The following ZNF133 variants were observed in gnomAD, a reference collection of about 807,000 sequenced individuals.
The protein encoded by ZNF133 is zinc finger protein 133 (clone pHZ-13).
A neutral mutation model predicts 54.9 loss-of-function variants in ZNF133; 26 were observed. That is an observed-to-expected ratio of 0.47 (90% confidence interval 0.35 to 0.66). The LOEUF (loss-of-function observed/expected upper bound fraction) is 0.66. Among genes scored for constraint, ZNF133 ranks in the 30% least tolerant of loss-of-function variants. The pLI, the probability that ZNF133 is intolerant of heterozygous loss-of-function variation, is 0.01. For synonymous variants in ZNF133, 298 were observed against 320.3 expected, an observed-to-expected ratio of 0.93 and a Z score of 0.74; for missense variants, 653 against 820.8, an observed-to-expected ratio of 0.80 and a Z score of 2.50.
intron 1 of ZNF133, among the ~76,000 whole-genome samples, chr20:18,289,589 C>T (rs868139128): frequency 6.6e-6 from 1 of 152,150 alleles, no homozygotes; most frequent in Non-Finnish European, 1.5e-5. Context: ...ATAGCTGTGT[C>T]ACCTTGGGCA....
chr20:18,314,860 T>C (rs2047075460), intron 6 of ZNF133: 1 of 491,744 alleles, frequency 2.0e-6, no homozygotes, highest in Admixed American at 3.7e-5. Flanking sequence ...TAGTCTTATA[T>C]GTAGAGCAGG....
chr20:18,300,780 A>G (rs1568751218), intron 3 of ZNF133, among the ~76,000 whole-genome samples: 1 of 152,126 alleles, frequency 6.6e-6, no homozygotes. Context: ...TTATACACAT[A>G]TACCTCATAA....
rs527839009 is a variant in ZNF133 at position 18,314,150 on chromosome 20, G to A, written c.218-919G>A. 2.6e-5 allele frequency: 4 copies of A among 152,348 alleles called. No homozygotes were observed. In the South Asian group the frequency reaches 6.2e-4, roughly 24 times the overall value. The allele number at this position is 152,348 out of a possible 1,614,324, so 9.4% of individuals were successfully genotyped here. ...GCGTAGCATGGAATAATTCTGGAAT[G>A]TGGATGTGTACACTTTTAATAAGCT... On this transcript the variant is annotated intron_variant, in intron 6 of 6. Coordinates refer to ENST00000425686, the MANE Select transcript of ZNF133 (RefSeq NM_001352452.2).
Position 18,305,771 on chromosome 20 carries a change from G to C in ZNF133, c.85G>C (p.Val29Leu). The change falls in exon 5 of 7, where the codon GTG becomes CTG. Residue 29 changes from valine to leucine, a missense_variant. By Grantham distance (32) the Val-to-Leu change is conservative. This residue lies in a region of ZNF133 where 227 missense variants were observed against 233.9 expected (regional missense o/e 0.97). Coordinates refer to ENST00000425686, the MANE Select transcript of ZNF133 (RefSeq NM_001352452.2). The surrounding 1 kb of genome is among the most constrained non-coding windows in gnomAD (Gnocchi z 4.7). ...TGCTCAAAGGACTCTGTACAGAGAG[G>C]TGATGCTGGAGAACTACAGCAACCT... Reference protein sequence around the residue: ...SPAQRTLYREVMLENYSNLVS... With the variant: ...SPAQRTLYRELMLENYSNLVS... 6.2e-7 allele frequency: 1 copy of C among 1,614,034 alleles called. No individual in the cohort carries two copies. The highest frequency in any genetic ancestry group is 8.5e-7 in the Non-Finnish European group (1 of 1,179,950).
Position 18,305,132 on chromosome 20 carries a change from A to G in ZNF133, c.-53A>G. On this transcript the variant is annotated 5_prime_UTR_variant, in exon 4 of 7. Transcript: ENST00000425686. The surrounding 1 kb of genome is among the most constrained non-coding windows in gnomAD (Gnocchi z 4.7). ...CCAAGAAGCTCCATGGTGAGCACTCACAGTCTAAGGCTGGAAGTTTAATGA... is the reference window on the plus strand; with the variant it reads ...CCAAGAAGCTCCATGGTGAGCACTCGCAGTCTAAGGCTGGAAGTTTAATGA... 2.0e-6 allele frequency: 2 copies of G among 985,962 alleles called. No individual in the cohort carries two copies. Among genetic ancestry groups the G allele is most frequent in the Non-Finnish European group, 2.4e-6 (2 of 830,364 alleles). 61.1% of individuals were successfully genotyped at this position (985,962 alleles called of 1,614,324 possible).
At chr20:18,303,798 G>A (rs59281862) in intron 3 of ZNF133, among the ~76,000 whole-genome samples, 4,090 of 152,242 alleles carry the variant, frequency 0.027, 195 homozygotes, top group African/African-American at 0.093. Flanking sequence ...AACTGAAAAT[G>A]GATCGAAGAC....
At chr20:18,292,177 CTT>C (rs1214516247) in intron 1 of ZNF133, among the ~76,000 whole-genome samples, 2 of 152,194 alleles carry the variant, frequency 1.3e-5, no homozygotes, top group Admixed American at 1.3e-4. Context: ...TCAGTGATCT[CTT>C]TGTTTCTGCC....
In ZNF133 at chr20:18,315,943, C is replaced by T. The variant is rs768947399; in HGVS notation, c.1092C>T (p.Ser364=). The T allele has an allele frequency of 1.3e-5, 21 of 1,613,924 alleles. No homozygotes were observed. The highest frequency in any genetic ancestry group is 2.2e-5 in the East Asian group (1 of 44,874). The change falls in exon 7 of 7, where the codon AGC becomes AGT. Residue 364 remains serine (S), a synonymous_variant. Transcript: ENST00000425686. ...GCAGTGACTGTGGCCTGGGCTTCAG[C>T]GACAGGTCAAACCTCATCTCCCACC... The part of the protein sequence containing the change: ...IVCSDCGLGF[S]DRSNLISHQR...
chr20:18,306,198 T>G, intron 5 of ZNF133, 100 bp from the exon 6 acceptor site: 1 of 1,144,906 alleles, frequency 8.7e-7, no homozygotes, highest in Non-Finnish European at 1.2e-6. Context: ...ACTCAGGGCT[T>G]TGTACTACCT....
At chr20:18,301,807 G>A (rs1463768457) in intron 3 of ZNF133, among the ~76,000 whole-genome samples, 2 of 152,138 alleles carry the variant, frequency 1.3e-5, no homozygotes, top group Middle Eastern at 3.2e-3. Context: ...TGGACCTGAT[G>A]ACTTTGCTGG....
At chr20:18,299,223 G>T (rs2042862238) in intron 3 of ZNF133, among the ~76,000 whole-genome samples, 1 of 151,964 alleles carries the variant, frequency 6.6e-6, no homozygotes, top group African/African-American at 2.4e-5. Flanking sequence ...AATAATGTAA[G>T]AACAACATGG....
In ZNF133 at chr20:18,315,632, C is replaced by A; in HGVS notation, c.781C>A (p.Gln261Lys). 7 of 1,614,020 alleles carry A rather than the reference C, an allele frequency of 4.3e-6. No individual in the cohort carries two copies. Among genetic ancestry groups the A allele is most frequent in the Non-Finnish European group, 5.9e-6 (7 of 1,179,988 alleles). The change falls in exon 7 of 7, where the codon CAG becomes AAG. Residue 261 changes from glutamine to lysine, a missense_variant. Coordinates refer to ENST00000425686, the MANE Select transcript of ZNF133 (RefSeq NM_001352452.2). ...CCTAAAGAAGAGCCTCGCCAGACAC[C>A]AGAAGGCACACTCGGGGGAGAAGCC... is the stretch of plus-strand genomic sequence containing the variant. ...FSLKKSLARH[Q>K]KAHSGEKPIV...
At chr20:18,289,512 C>T (rs969313250) in intron 1 of ZNF133, among the ~76,000 whole-genome samples, 12 of 152,136 alleles carry the variant, frequency 7.9e-5, no homozygotes, top group Admixed American at 2.0e-4. Flanking sequence ...CAGAGTTCAC[C>T]GTCACTGCCC....
chr20:18,315,728 TCCGGTGAGAAA>T lies in ZNF133; in HGVS notation c.880_890del (p.Gly294LeufsTer5). ...GCTAATCATACACGAACGGACACAC[TCCGGTGAGAAA>T]CCTTACATGTGCAGTGAGTGTGGGC... On this transcript the variant is annotated frameshift_variant, in exon 7 of 7. Transcript: ENST00000425686. LOFTEE classifies it high-confidence loss of function. 2 of 1,613,984 alleles carry T rather than the reference TCCGGTGAGAAA, an allele frequency of 1.2e-6. No individual in the cohort carries two copies. The highest frequency in any genetic ancestry group is 1.7e-6 in the Non-Finnish European group (2 of 1,179,942).
rs551506551 is a variant in ZNF133, at chr20:18,316,734, C to T, written c.1883C>T (p.Thr628Met). ...KSHLSRHRKT[T>M]SVHHRLPVQP... is the part of the protein sequence containing the mutation. The stretch of plus-strand genomic sequence containing the variant: ...CACCTCAGCAGACACAGGAAGACCA[C>T]GTCTGTCCACCACAGACTGCCAGTG... The change falls in exon 7 of 7, where the codon ACG (threonine) becomes ATG (methionine). Residue 628 changes from threonine to methionine, a missense_variant. Physicochemically the swap from Thr to Met is moderately conservative, Grantham distance 81. Around this residue, in one of 4 missense-constraint regions of ZNF133, gnomAD observed 129 missense variants for 138.5 expected, o/e 0.93. Coordinates refer to ENST00000425686, the MANE Select transcript of ZNF133 (RefSeq NM_001352452.2). 89 of 1,614,196 alleles carry T rather than the reference C, an allele frequency of 5.5e-5. No individual in the cohort carries two copies. The highest frequency in any genetic ancestry group is 1.6e-4 in the African/African-American group (12 of 75,060).
chr20:18,306,564 T>C, intron 6 of ZNF133, 171 bp downstream of exon 6: 1 of 861,832 alleles, frequency 1.2e-6, no homozygotes, highest in Non-Finnish European at 1.8e-6. Context: ...TTCATTCGAG[T>C]ATGGACGGGG....
intron 3 of ZNF133, among the ~76,000 whole-genome samples, chr20:18,303,710 A>C (rs1324731173): frequency 2.0e-5 from 3 of 152,232 alleles, no homozygotes; most frequent in Non-Finnish European, 4.4e-5. Flanking sequence ...TATACTCAAC[A>C]AACGCTATTG....
At position 18,296,240 on chromosome 20, in the gene ZNF133, C is replaced by T. The variant is rs962158614; in HGVS notation, c.-431-1745C>T. ...ATCATCAGTCTTTTTGCTAAATTTCCCCTATCCTGTCTTGCTTTGAATGAT... is the reference window on the plus strand; with the variant it reads ...ATCATCAGTCTTTTTGCTAAATTTCTCCTATCCTGTCTTGCTTTGAATGAT... On this transcript the variant is annotated intron_variant, in intron 1 of 6. Coordinates refer to ENST00000425686, the MANE Select transcript of ZNF133 (RefSeq NM_001352452.2). Among the ~76,000 whole-genome samples the T allele has an allele frequency of 4.6e-5, 7 of 152,138 alleles. No individual in the cohort carries two copies. In the East Asian group the frequency reaches 1.4e-3, roughly 29 times the overall value.
At chr20:18,289,280 A>T (rs1236310101) in intron 1 of ZNF133, among the ~76,000 whole-genome samples, 1 of 152,194 alleles carries the variant, frequency 6.6e-6, no homozygotes, top group African/African-American at 2.4e-5. Context: ...CAAAGGTCCC[A>T]GGGACCGTCA....
Sources: allele counts gnomAD v4.1 joint callset (sites outside exome capture counted in the v4.1 genomes callset), GRCh38; gene constraint gnomAD v4.1.1; regional missense constraint gnomAD v4.1.1; non-coding constraint Gnocchi (gnomAD v3.1); transcripts MANE v1.5; gene names NCBI Gene and HGNC (gene_info 2026-07-23, HGNC 2026-07-21).